LOXL4: variants seen among roughly 807,000 people sequenced by gnomAD.
LOXL4 encodes the protein lysyl oxidase homolog 4.
In LOXL4, 72 loss-of-function variants were observed where a neutral mutation model predicts 89.1. The ratio of observed to expected loss-of-function variants is 0.81; its 90% confidence interval spans 0.67 to 0.98. The LOEUF is 0.98. LOXL4 is among the 50% of genes least tolerant of loss of function. The probability of loss-of-function intolerance (pLI) is 0.00; values close to 1 mark genes in which losing one functional copy is unlikely to be tolerated. For missense variants in LOXL4, 984 were observed against 1,017.5 expected, an observed-to-expected ratio of 0.97 and a Z score of 0.45; for synonymous variants, 355 against 392.1, an observed-to-expected ratio of 0.91 and a Z score of 1.12.
Position 98,253,806 on chromosome 10 carries a change from C to T in LOXL4, c.1592-10G>A, listed in dbSNP as rs7086391. The T allele has an allele frequency of 0.19, 305,876 of 1,612,984 alleles. 30,792 individuals are homozygous for T. Among genetic ancestry groups the T allele is most frequent in the Non-Finnish European group, 0.2 (240,278 of 1,179,658 alleles). ...ACCAGGTCTGGTGCACCTGGGGCGG[C>T]GGAGGGCATGGCAGTGACTCAAAGG... On this transcript the variant is annotated splice_polypyrimidine_tract_variant and intron_variant, in intron 10 of 14. Transcript: ENST00000260702.
chr10:98,248,673 T>A lies in LOXL4; in HGVS notation c.*248A>T, dbSNP rs1417644244. On this transcript the variant is annotated 3_prime_UTR_variant, in exon 15 of 15. Transcript: ENST00000260702. ...CTGGGTTTCCTTACAGAAGAGGAGC[T>A]CAGCTGAGCAAAGCCTGGAGGACAT... 1 of 455,538 alleles carries A rather than the reference T, an allele frequency of 2.2e-6. No individual in the cohort carries two copies. Among genetic ancestry groups the A allele is most frequent in the African/African-American group, 2.0e-5 (1 of 50,282 alleles). 28.2% of individuals were successfully genotyped at this position (455,538 alleles called of 1,614,324 possible).
At chr10:98,261,179 G>A in intron 3 of LOXL4, 52 bp from the exon 4 acceptor site, 3 of 1,575,150 alleles carry the variant, frequency 1.9e-6, no homozygotes, top group Non-Finnish European at 2.6e-6. Flanking sequence ...TCCTCCAGTG[G>A]AGCCTGCTGC....
intron 9 of LOXL4, chr10:98,256,538 TCTGA>T (rs898722331): frequency 5.4e-6 from 3 of 554,302 alleles, no homozygotes; most frequent in East Asian, 3.2e-5. Context: ...CTCCACCTTG[TCTGA>T]CTAATTTCTA....
At chr10:98,254,763 G>A (rs1174138676) in intron 10 of LOXL4, among the ~76,000 whole-genome samples, 1 of 152,218 alleles carries the variant, frequency 6.6e-6, no homozygotes, top group East Asian at 1.9e-4. Flanking sequence ...CTCCCCACGT[G>A]CTGGGAGGCC....
At chr10:98,259,475 C>T (rs1325689617) in intron 4 of LOXL4, 46 bp from the exon 5 acceptor site, 1 of 1,558,136 alleles carries the variant, frequency 6.4e-7, no homozygotes, top group Non-Finnish European at 8.8e-7. Context: ...GTGTGGAAGT[C>T]CCACCCCCTG....
Position 98,258,018 on chromosome 10 carries a change from A to G in LOXL4, c.1068T>C (p.Ser356=). The change falls in exon 7 of 15, where the codon TCT becomes TCC. Residue 356 remains serine (S), a synonymous_variant. Transcript: ENST00000260702. The part of the protein sequence containing the change: ...SVVCRQLGFG[S]AREALFGARL... ...GGGCCCCAAAGAGGGCCTCCCGAGC[A>G]GAGCCAAAGCCCAGCTGACGACACA... The G allele has an allele frequency of 1.9e-6, 3 of 1,613,914 alleles. No individual in the cohort carries two copies. Among genetic ancestry groups the G allele is most frequent in the Non-Finnish European group, 2.5e-6 (3 of 1,180,020 alleles).
At chr10:98,251,896 G>A in intron 12 of LOXL4, 194 bp from the exon 13 acceptor site, 1 of 640,796 alleles carries the variant, frequency 1.6e-6, no homozygotes, top group Non-Finnish European at 2.6e-6. Context: ...CTGCTCCAGT[G>A]CAAATCCCTG....
At position 98,262,723 on chromosome 10, in the gene LOXL4, A is replaced by C; in HGVS notation, c.277+20T>G. On this transcript the variant is annotated intron_variant, in intron 2 of 14. Transcript: ENST00000260702. ...GTTACCATCTCCTTGCCATCCCACT[A>C]GGTGGCACCAGTCACTCACCCTCCC... 2 of 1,605,342 alleles carry C rather than the reference A, an allele frequency of 1.2e-6. No homozygotes were observed. Among genetic ancestry groups the C allele is most frequent in the Non-Finnish European group, 8.5e-7 (1 of 1,174,426 alleles).
At chr10:98,255,289 G>C (rs900473046) in intron 10 of LOXL4, among the ~76,000 whole-genome samples, 2 of 152,228 alleles carry the variant, frequency 1.3e-5, no homozygotes, top group East Asian at 1.9e-4. Flanking sequence ...TTTCTGTCCT[G>C]TTTCATTGTT....
chr10:98,253,264 A>G (rs1228707377), intron 11 of LOXL4, among the ~76,000 whole-genome samples: 1 of 152,236 alleles, frequency 6.6e-6, no homozygotes, highest in Non-Finnish European at 1.5e-5. Context: ...CAACATAGGA[A>G]AAGTGTCAAA....
Position 98,263,054 on chromosome 10 carries a change from G to A in LOXL4, c.-32-3C>T, listed in dbSNP as rs2135845101. The stretch of plus-strand genomic sequence containing the variant: ...AAGGACAGCTGAGGCCAAGATACCT[G>A]AGGAATGAGTAAACATGACAGTGAT... On this transcript the variant is annotated splice_region_variant and splice_polypyrimidine_tract_variant and intron_variant, in intron 1 of 14. Coordinates refer to ENST00000260702, the MANE Select transcript of LOXL4 (RefSeq NM_032211.7). The A allele has an allele frequency of 6.2e-7, 1 of 1,603,180 alleles. No individual in the cohort carries two copies. The highest frequency in any genetic ancestry group is 2.2e-5 in the East Asian group (1 of 44,620).
chr10:98,258,128 C>T lies in LOXL4; in HGVS notation c.958G>A (p.Gly320Ser). ...ATGAGCACTTCCACCCGGCCCTCGC[C>T]CACCTGGGCCCCGGAGCGCAGGCGC... ...RVRLRSGAQV[G>S]EGRVEVLMNR... The change falls in exon 7 of 15, where the codon GGC (glycine) becomes AGC (serine). Residue 320 changes from glycine to serine, a missense_variant. Gly to Ser is a moderately conservative substitution (Grantham distance 56). Coordinates refer to ENST00000260702, the MANE Select transcript of LOXL4 (RefSeq NM_032211.7). The T allele has an allele frequency of 1.2e-6, 2 of 1,613,052 alleles. No individual in the cohort carries two copies. Among genetic ancestry groups the T allele is most frequent in the Non-Finnish European group, 1.7e-6 (2 of 1,179,814 alleles).
rs966699391 is a variant in LOXL4, at chr10:98,252,567, G to A, written c.1836-99C>T. 25 of 787,588 alleles carry A rather than the reference G, an allele frequency of 3.2e-5. No individual in the cohort carries two copies. The Admixed American group carries it at 4.8e-4, about 15-fold the overall frequency. 48.8% of individuals were successfully genotyped at this position (787,588 alleles called of 1,614,324 possible). On this transcript the variant is annotated intron_variant, in intron 11 of 14. Coordinates refer to ENST00000260702, the MANE Select transcript of LOXL4 (RefSeq NM_032211.7). ...CAGGCCCCAGGCCCCATCATGACCC[G>A]AGAGGAAAGTTATAGTAGGCAGTGC...
chr10:98,257,855 C>A (rs1858424692), intron 7 of LOXL4, 51 bp from the exon 8 acceptor site: 1 of 1,586,890 alleles, frequency 6.3e-7, no homozygotes, highest in Admixed American at 1.7e-5. Flanking sequence ...CGTAACCCCA[C>A]ACTTGTGGCT....
At chr10:98,258,603 C>T (rs1281526092) in intron 6 of LOXL4, among the ~76,000 whole-genome samples, 1 of 151,138 alleles carries the variant, frequency 6.6e-6, no homozygotes, top group Non-Finnish European at 1.5e-5. Flanking sequence ...GCATCTGTAC[C>T]ACCTCACGGC....
At chr10:98,256,462 C>G in intron 9 of LOXL4, 1 of 389,510 alleles carries the variant, frequency 2.6e-6, no homozygotes, top group Admixed American at 4.6e-5. Flanking sequence ...ATCCCTGGCC[C>G]TGATTTCCTC....
intron 1 of LOXL4, among the ~76,000 whole-genome samples, chr10:98,263,611 G>A (rs1337394093): frequency 6.6e-6 from 1 of 152,154 alleles, no homozygotes; most frequent in Non-Finnish European, 1.5e-5. Flanking sequence ...ATGGAAGGCT[G>A]GAGCAGAAAG....
In LOXL4 at chr10:98,251,875, G is replaced by A. The variant is rs995539345; in HGVS notation, c.1952-173C>T. On this transcript the variant is annotated intron_variant, in intron 12 of 14. Transcript: ENST00000260702. ...GCAAACCACATTGTGACAAAGATAGGATTTGTTTGACTGCTCCAGTGCAAA... is the reference window on the plus strand; with the variant it reads ...GCAAACCACATTGTGACAAAGATAGAATTTGTTTGACTGCTCCAGTGCAAA... 6.9e-5 allele frequency: 51 copies of A among 736,878 alleles called. No homozygotes were observed. The African/African-American group carries it at 9.0e-4, about 13-fold the overall frequency. 45.6% of individuals were successfully genotyped at this position (736,878 alleles called of 1,614,324 possible).
At chr10:98,259,291 A>T in intron 5 of LOXL4, 63 bp from the exon 6 acceptor site, 1 of 1,567,424 alleles carries the variant, frequency 6.4e-7, no homozygotes, top group Non-Finnish European at 8.8e-7. Flanking sequence ...GGACTAAGGG[A>T]GGCCAAGGTA....
Sources: gnomAD v4.1 joint callset for allele counts (sites outside exome capture counted in the v4.1 genomes callset) on GRCh38, gnomAD v4.1.1 for gene constraint, MANE v1.5 for transcripts, NCBI Gene and HGNC (gene_info 2026-07-23, HGNC 2026-07-21) for gene names.